The following ACSS3 variants were observed in gnomAD, a reference collection of about 807,000 sequenced individuals.
ACSS3 encodes acyl-CoA synthetase short chain family member 3.
ACSS3 carries 64 observed loss-of-function variants against 84.2 expected under a neutral mutation model. That is an observed-to-expected ratio of 0.76 (90% CI 0.62 to 0.94). The LOEUF (loss-of-function observed/expected upper bound fraction) is 0.94, where lower values mean the gene tolerates loss of function less well. Ranked by LOEUF, ACSS3 falls within the 40% of genes least tolerant of loss-of-function variation. ACSS3 has a pLI of 0.00. For missense variants in ACSS3, 815 were observed against 867.6 expected (o/e 0.94, Z 0.76); for synonymous variants, 317 against 310.1 (o/e 1.02, Z -0.23).
intron 13 of ACSS3, among the ~76,000 whole-genome samples, chr12:81,249,900 G>C (rs2034097306): frequency 6.6e-6 from 1 of 151,926 alleles, no homozygotes; most frequent in South Asian, 2.1e-4. Context: ...AACCTGTGTA[G>C]GTCAGCTCAG....
chr12:81,152,052 T>A lies in ACSS3; in HGVS notation c.1054T>A (p.Cys352Ser). ...CTGGGTTGTTGGACATTCCTATATC[T>A]GCTATGGACCTCTTCTTCATGGGAA... ...LGWVVGHSYICYGPLLHGNTT... is the reference protein window; with the variant it reads ...LGWVVGHSYISYGPLLHGNTT... The change falls in exon 7 of 16, where the codon TGC becomes AGC. Residue 352 changes from cysteine (C) to serine (S), a missense_variant. Cys to Ser is a moderately radical substitution (Grantham distance 112, BLOSUM62 -1). Coordinates refer to ENST00000548058, the MANE Select transcript of ACSS3 (RefSeq NM_024560.4). 1 of 1,613,510 alleles carries A rather than the reference T, an allele frequency of 6.2e-7. No homozygotes were observed. Among genetic ancestry groups the A allele is most frequent in the South Asian group, 1.1e-5 (1 of 90,964 alleles).
intron 12 of ACSS3, 94 bp from the exon 13 acceptor site, chr12:81,233,255 C>A: frequency 7.2e-7 from 1 of 1,388,954 alleles, no homozygotes; most frequent in Non-Finnish European, 9.8e-7. Flanking sequence ...CACAGTAAAT[C>A]CATTTCTATT....
At chr12:81,164,165 A>C (rs1302783345) in intron 7 of ACSS3, among the ~76,000 whole-genome samples, 1 of 152,112 alleles carries the variant, frequency 6.6e-6, no homozygotes, top group Non-Finnish European at 1.5e-5. Context: ...CTTTTATACC[A>C]TATTTTTACT....
intron 7 of ACSS3, among the ~76,000 whole-genome samples, chr12:81,166,881 T>C (rs567145293): frequency 1.2e-4 from 18 of 152,238 alleles, no homozygotes; most frequent in Non-Finnish European, 2.5e-4. Context: ...GCAGTGTGAT[T>C]AAGCAAGAAC....
chr12:81,239,360 A>G (rs545231391), intron 13 of ACSS3, among the ~76,000 whole-genome samples: 1 of 152,028 alleles, frequency 6.6e-6, no homozygotes, highest in Non-Finnish European at 1.5e-5. Context: ...CAAGGAAAAA[A>G]CATAAATCAG....
At chr12:81,244,077 T>C (rs2135998450) in intron 13 of ACSS3, among the ~76,000 whole-genome samples, 1 of 152,230 alleles carries the variant, frequency 6.6e-6, no homozygotes, top group African/African-American at 2.4e-5. Context: ...TTATTTCTCC[T>C]TAATTTTTGA....
chr12:81,228,498 C>G (rs1460474326), intron 11 of ACSS3, among the ~76,000 whole-genome samples: 3 of 151,848 alleles, frequency 2.0e-5, no homozygotes, highest in Non-Finnish European at 4.4e-5. Context: ...TGCTTTCATC[C>G]TGTAGGCATC....
chr12:81,246,248 G>A (rs1285657330), intron 13 of ACSS3, among the ~76,000 whole-genome samples: 2 of 152,192 alleles, frequency 1.3e-5, no homozygotes, highest in South Asian at 2.1e-4. Context: ...TTTACTTGGT[G>A]TAAGGTGTGG....
At chr12:81,122,578 T>C (rs1463143160) in intron 2 of ACSS3, among the ~76,000 whole-genome samples, 4 of 152,186 alleles carry the variant, frequency 2.6e-5, no homozygotes, top group African/African-American at 9.7e-5. Flanking sequence ...TGAAGGAATA[T>C]AACCTTATCT....
At chr12:81,239,932 AGT>A (rs1345559808) in intron 13 of ACSS3, among the ~76,000 whole-genome samples, 2 of 152,076 alleles carry the variant, frequency 1.3e-5, no homozygotes, top group Non-Finnish European at 1.5e-5. Flanking sequence ...AAATGACAGC[AGT>A]GATACAAGGG....
chr12:81,125,995 T>C (rs1410763435), intron 2 of ACSS3: 1 of 152,224 alleles, frequency 6.6e-6, no homozygotes, highest in Non-Finnish European at 1.5e-5. Flanking sequence ...TTTAAGAATG[T>C]GGAAAGCACT....
At chr12:81,176,125 G>T (rs2030458842) in intron 8 of ACSS3, among the ~76,000 whole-genome samples, 1 of 152,138 alleles carries the variant, frequency 6.6e-6, no homozygotes, top group Admixed American at 6.5e-5. Context: ...AAAAAAGAGA[G>T]AAGATCCAAA....
chr12:81,135,040 A>G, intron 3 of ACSS3, 36 bp downstream of exon 3: 30 of 1,512,286 alleles, frequency 2.0e-5, no homozygotes, highest in Non-Finnish European at 2.7e-5. Flanking sequence ...AGTAGTAGCT[A>G]TGTATAATTT....
At chr12:81,199,185 A>G (rs78511136) in intron 8 of ACSS3, among the ~76,000 whole-genome samples, 156 bp from the exon 9 acceptor site, 2,090 of 152,318 alleles carry the variant, frequency 0.014, 42 homozygotes, top group African/African-American at 0.047. Context: ...GGCCCAAACA[A>G]GAAATGACTC....
chr12:81,177,179 T>G (rs771712700), intron 8 of ACSS3, among the ~76,000 whole-genome samples: 1 of 152,124 alleles, frequency 6.6e-6, no homozygotes, highest in Non-Finnish European at 1.5e-5. Context: ...ATAAGGCTCA[T>G]CTATAACAAA....
intron 7 of ACSS3, among the ~76,000 whole-genome samples, chr12:81,171,216 T>G (rs1290710364): frequency 6.6e-6 from 1 of 152,136 alleles, no homozygotes; most frequent in Non-Finnish European, 1.5e-5. Flanking sequence ...TGTTGCTCAC[T>G]TTATTATTTG....
rs201290758 is a variant in ACSS3 at position 81,179,778 on chromosome 12, C to CAA, written c.1250+4857_1250+4858dup. 1.5e-3 allele frequency among the ~76,000 whole-genome samples: 108 copies of CAA among 73,316 alleles called. 2 individuals carry two copies. The highest frequency in any genetic ancestry group is 4.5e-3 in the East Asian group (14 of 3,114). 48.1% of individuals were successfully genotyped at this position (73,316 alleles called of 152,430 possible). ...TGGGTGACAGAGCGAGACTCCGTCT[C>CAA]AAAAAAAAAAAAAAAAAAAGGGCAA... On this transcript the variant is annotated intron_variant, in intron 8 of 15. Coordinates refer to ENST00000548058, the MANE Select transcript of ACSS3 (RefSeq NM_024560.4).
intron 8 of ACSS3, among the ~76,000 whole-genome samples, chr12:81,185,479 G>C (rs1345567413): frequency 6.6e-6 from 1 of 151,568 alleles, no homozygotes; most frequent in Non-Finnish European, 1.5e-5. Flanking sequence ...ACTAATAAAT[G>C]AAATCACTAA....
At chr12:81,137,011 T>C (rs978939001) in intron 3 of ACSS3, among the ~76,000 whole-genome samples, 6 of 152,086 alleles carry the variant, frequency 3.9e-5, no homozygotes, top group Non-Finnish European at 5.9e-5. Context: ...AGCTAATATA[T>C]ACTGAAGGCC....
Sources: allele counts gnomAD v4.1 joint callset (sites outside exome capture counted in the v4.1 genomes callset), GRCh38; gene constraint gnomAD v4.1.1; transcripts MANE v1.5; gene names NCBI Gene and HGNC (gene_info 2026-07-23, HGNC 2026-07-21).